Variants in SUCLG2 observed in about 807,000 individuals in gnomAD.
SUCLG2 encodes the protein succinate-CoA ligase GDP-forming subunit beta.
SUCLG2 carries 42 observed loss-of-function variants against 47.9 expected under a neutral mutation model. That is an observed-to-expected ratio of 0.88 (90% CI 0.69 to 1.14). The LOEUF (loss-of-function observed/expected upper bound fraction) is 1.14, where lower values mean the gene tolerates loss of function less well. SUCLG2 is among the 50% of genes most tolerant of loss of function. SUCLG2 has a pLI of 0.00. For synonymous variants in SUCLG2, 195 were observed against 197.3 expected (o/e 0.99, Z 0.10); for missense variants, 571 against 525.9 (o/e 1.09, Z -0.84).
At chr3:67,481,526 G>A (rs1424701129) in intron 9 of SUCLG2, among the ~76,000 whole-genome samples, 1 of 152,228 alleles carries the variant, frequency 6.6e-6, no homozygotes, top group Non-Finnish European at 1.5e-5. Flanking sequence ...ATCACCTGGA[G>A]ATCCCATGAA....
chr3:67,385,916 T>G (rs1702248248), intron 10 of SUCLG2, among the ~76,000 whole-genome samples: 1 of 152,092 alleles, frequency 6.6e-6, no homozygotes, highest in Non-Finnish European at 1.5e-5. Flanking sequence ...GTAAGCTAAT[T>G]AGGTTGGCTA....
At chr3:67,443,065 A>G (rs1575699073) in intron 9 of SUCLG2, among the ~76,000 whole-genome samples, 1 of 152,228 alleles carries the variant, frequency 6.6e-6, no homozygotes, top group East Asian at 1.9e-4. Context: ...TACTCCATAA[A>G]CAATACAGTA....
chr3:67,420,208 C>G (rs559776366), intron 9 of SUCLG2, among the ~76,000 whole-genome samples: 2 of 152,286 alleles, frequency 1.3e-5, no homozygotes, highest in South Asian at 4.2e-4. Flanking sequence ...GACTTACTAT[C>G]AAATATAAGT....
At chr3:67,507,458 T>C (rs1450600012) in intron 7 of SUCLG2, among the ~76,000 whole-genome samples, 1 of 152,062 alleles carries the variant, frequency 6.6e-6, no homozygotes, top group African/African-American at 2.4e-5. Flanking sequence ...TACTCATATA[T>C]GATTTCATCT....
chr3:67,604,968 A>T (rs1700376569), intron 2 of SUCLG2, among the ~76,000 whole-genome samples: 1 of 152,224 alleles, frequency 6.6e-6, no homozygotes, highest in African/African-American at 2.4e-5. Flanking sequence ...CTAACACATG[A>T]TTAACAGGAT....
At chr3:67,524,628 A>C (rs777928939) in intron 4 of SUCLG2, among the ~76,000 whole-genome samples, 5 of 152,234 alleles carry the variant, frequency 3.3e-5, no homozygotes, top group Non-Finnish European at 7.3e-5. Context: ...ATTTAGAATC[A>C]AAAGGTTCTA....
At chr3:67,537,633 G>C (rs545932814) in intron 2 of SUCLG2, among the ~76,000 whole-genome samples, 1 of 152,254 alleles carries the variant, frequency 6.6e-6, no homozygotes, top group South Asian at 2.1e-4. Flanking sequence ...CTAGATCCTT[G>C]AGGAATCGCC....
chr3:67,535,083 G>A (rs1350368810), intron 2 of SUCLG2, among the ~76,000 whole-genome samples: 1 of 152,216 alleles, frequency 6.6e-6, no homozygotes, highest in South Asian at 2.1e-4. Context: ...CATGGAAGAT[G>A]AAAAGCATTT....
Position 67,654,507 on chromosome 3 carries a change from G to C in SUCLG2, c.80C>G (p.Ser27Cys). The part of the protein sequence containing the change: ...ALRPRFLAAG[S>C]QAVQLTSRRW... ...AGCTCCTGCCCCCACGCTCACCTGGGACCCGGCCGCCAGGAAGCGGGGCCG... is the reference window on the plus strand; with the variant it reads ...AGCTCCTGCCCCCACGCTCACCTGGCACCCGGCCGCCAGGAAGCGGGGCCG... The change falls in exon 1 of 11, where the codon TCC becomes TGC. Residue 27 changes from serine to cysteine, a missense_variant. Physicochemically the swap from Ser to Cys is moderately radical, Grantham distance 112 (BLOSUM62 -1). Coordinates refer to ENST00000307227, the MANE Select transcript of SUCLG2 (RefSeq NM_003848.4). The C allele has an allele frequency of 4.8e-6, 6 of 1,240,486 alleles. No individual in the cohort carries two copies. The highest frequency in any genetic ancestry group is 6.1e-6 in the Non-Finnish European group (6 of 990,906). The allele number at this position is 1,240,486 out of a possible 1,614,324, so 76.8% of individuals were successfully genotyped here.
chr3:67,650,038 C>T (rs1308683809), intron 1 of SUCLG2, among the ~76,000 whole-genome samples: 2 of 152,230 alleles, frequency 1.3e-5, no homozygotes, highest in Non-Finnish European at 2.9e-5. Flanking sequence ...ACAAAGCTAT[C>T]ACTTAACGGT....
intron 9 of SUCLG2, among the ~76,000 whole-genome samples, chr3:67,449,536 T>A (rs1358099396): frequency 7.2e-6 from 1 of 138,432 alleles, no homozygotes; most frequent in African/African-American, 2.8e-5. Context: ...TCATCAGACA[T>A]GTACATAATA....
At chr3:67,497,122 G>C (rs1025439551) in intron 8 of SUCLG2, among the ~76,000 whole-genome samples, 10 of 152,174 alleles carry the variant, frequency 6.6e-5, no homozygotes, top group Admixed American at 6.5e-4. Context: ...TCAGAATGAT[G>C]TGAGTGATCT....
Position 67,502,837 on chromosome 3 carries a change from A to C in SUCLG2, c.758-4542T>G, listed in dbSNP as rs1300531665. Among the ~76,000 whole-genome samples the C allele has an allele frequency of 2.0e-5, 3 of 152,254 alleles. No individual in the cohort carries two copies. In the East Asian group the frequency reaches 5.8e-4, roughly 29 times the overall value. On this transcript the variant is annotated intron_variant, in intron 7 of 10. Transcript: ENST00000307227. ...TGAATAAGAATTTTCCCAAAGGAAG[A>C]ATATTAATAGTTGGCATTTTAGGCA...
chr3:67,537,979 A>G (rs930577415), intron 2 of SUCLG2, among the ~76,000 whole-genome samples: 5 of 152,196 alleles, frequency 3.3e-5, no homozygotes, highest in African/African-American at 1.2e-4. Flanking sequence ...GCCCTTTGTC[A>G]GATGGATAGA....
intron 10 of SUCLG2, among the ~76,000 whole-genome samples, chr3:67,387,996 C>A (rs1240040648): frequency 2.0e-5 from 3 of 151,886 alleles, no homozygotes; most frequent in African/African-American, 7.3e-5. Context: ...CAACATAAGA[C>A]AATATCTATA....
At chr3:67,627,178 T>G (rs1700847498) in intron 1 of SUCLG2, among the ~76,000 whole-genome samples, 1 of 151,576 alleles carries the variant, frequency 6.6e-6, no homozygotes, top group Non-Finnish European at 1.5e-5. Flanking sequence ...TTATTTGAGG[T>G]TCTGAGGAGC....
chr3:67,381,260 AAAAAG>A (rs1459094416), intron 10 of SUCLG2, among the ~76,000 whole-genome samples: 2 of 152,140 alleles, frequency 1.3e-5, no homozygotes, highest in East Asian at 3.8e-4. Flanking sequence ...CAGGTTATTG[AAAAAG>A]AAAAGGAAGA....
At chr3:67,397,029 A>T (rs2106804694) in intron 10 of SUCLG2, among the ~76,000 whole-genome samples, 1 of 151,656 alleles carries the variant, frequency 6.6e-6, no homozygotes. Flanking sequence ...ATCTCAAAAT[A>T]ATAAGAGCTA....
At chr3:67,650,449 A>G (rs367612227) in intron 1 of SUCLG2, among the ~76,000 whole-genome samples, 3 of 152,304 alleles carry the variant, frequency 2.0e-5, no homozygotes, top group African/African-American at 7.2e-5. Context: ...GAAAACATAC[A>G]ACAAGGATTC....
Sources: gnomAD v4.1 joint callset for allele counts (sites outside exome capture counted in the v4.1 genomes callset) on GRCh38, gnomAD v4.1.1 for gene constraint, MANE v1.5 for transcripts, NCBI Gene and HGNC (gene_info 2026-07-23, HGNC 2026-07-21) for gene names.